Variants in DMXL1 observed in about 807,000 individuals in gnomAD.
The protein encoded by DMXL1 is Dmx like 1.
DMXL1 carries 99 observed loss-of-function variants against 319.2 expected under a neutral mutation model. The observed-to-expected ratio is 0.31, with a 90% CI of 0.26 to 0.37. The LOEUF is 0.37. Among genes scored for constraint, DMXL1 ranks in the 10% least tolerant of loss-of-function variants. DMXL1 has a pLI of 1.00. For synonymous variants in DMXL1, 1,385 were observed against 1,235.2 expected (o/e 1.12, Z -2.54); for missense variants, 3,745 against 3,595.6 (o/e 1.04, Z -1.06).
At chr5:119,113,585 T>C (rs1760155961) in intron 5 of DMXL1, among the ~76,000 whole-genome samples, 1 of 152,216 alleles carries the variant, frequency 6.6e-6, no homozygotes, top group African/African-American at 2.4e-5. Context: ...CTTCAGTTTC[T>C]AGCCCTACTT....
intron 19 of DMXL1, among the ~76,000 whole-genome samples, chr5:119,161,510 G>C (rs1772260912): frequency 6.6e-6 from 1 of 152,252 alleles, no homozygotes; most frequent in South Asian, 2.1e-4. Context: ...TGCCTGAACG[G>C]AACCTTGGTG....
chr5:119,132,674 C>CAAAAAA, intron 10 of DMXL1: 1 of 331,990 alleles, frequency 3.0e-6, no homozygotes, highest in Non-Finnish European at 5.7e-6. Flanking sequence ...GACTCCGTCT[C>CAAAAAA]AAAAAAAAAA....
chr5:119,137,087 T>C (rs1448671778), intron 13 of DMXL1, among the ~76,000 whole-genome samples: 1 of 152,216 alleles, frequency 6.6e-6, no homozygotes, highest in Non-Finnish European at 1.5e-5. Flanking sequence ...CACTGTACCC[T>C]GCAGAGCCAC....
At chr5:119,077,238 C>T (rs555250542) in intron 1 of DMXL1, among the ~76,000 whole-genome samples, 13 of 148,230 alleles carry the variant, frequency 8.8e-5, no homozygotes, top group African/African-American at 3.4e-4. Flanking sequence ...GTGAGCCTCC[C>T]TGTGATTACA....
At chr5:119,136,240 A>G (rs1404934814) in intron 13 of DMXL1, among the ~76,000 whole-genome samples, 1 of 152,244 alleles carries the variant, frequency 6.6e-6, no homozygotes, top group Non-Finnish European at 1.5e-5. Flanking sequence ...GTTATCTGGC[A>G]GAAGAAATTT....
At position 119,139,915 on chromosome 5, in the gene DMXL1, C is replaced by T. The variant is rs563582160; in HGVS notation, c.2377-3926C>T. 6.6e-5 allele frequency among the ~76,000 whole-genome samples: 10 copies of T among 152,216 alleles called. No homozygotes were observed. In the East Asian group the frequency reaches 9.6e-4, roughly 15 times the overall value. On this transcript the variant is annotated intron_variant, in intron 13 of 43. Coordinates refer to ENST00000539542, the MANE Select transcript of DMXL1 (RefSeq NM_001290321.3). ...AAATGCAGAAGAACCAAAATCATAC[C>T]AAACACACTGTTGGACCACAGTGCA...
chr5:119,103,933 G>A (rs1394525782), intron 3 of DMXL1, among the ~76,000 whole-genome samples: 2 of 152,074 alleles, frequency 1.3e-5, no homozygotes, highest in Non-Finnish European at 2.9e-5. Flanking sequence ...TCAAAAAGAG[G>A]CTGGTTTATT....
chr5:119,097,790 T>C (rs558537835), intron 1 of DMXL1, among the ~76,000 whole-genome samples, 189 bp from the exon 2 acceptor site: 1 of 152,244 alleles, frequency 6.6e-6, no homozygotes, highest in South Asian at 2.1e-4. Context: ...CAGAATTTGC[T>C]AATAGGCTGT....
At chr5:119,121,428 G>GCCTT (rs1394846722) in intron 9 of DMXL1, among the ~76,000 whole-genome samples, 3 of 152,104 alleles carry the variant, frequency 2.0e-5, no homozygotes, top group East Asian at 1.9e-4. Context: ...GGACCCTGCG[G>GCCTT]CCTTCCGCTG....
chr5:119,102,109 C>T (rs1757408483), intron 3 of DMXL1, 103 bp downstream of exon 3: 1 of 631,240 alleles, frequency 1.6e-6, no homozygotes, highest in Non-Finnish European at 2.7e-6. Flanking sequence ...TACTTATATA[C>T]TGTAATTGAA....
chr5:119,147,011 T>G (rs1351058028), intron 16 of DMXL1, 55 bp downstream of exon 16: 2 of 1,577,810 alleles, frequency 1.3e-6, no homozygotes, highest in Non-Finnish European at 1.7e-6. Context: ...GTTAACAAAT[T>G]ACACAAAATT....
chr5:119,207,932 T>G (rs1269526219), intron 34 of DMXL1, among the ~76,000 whole-genome samples: 2 of 152,222 alleles, frequency 1.3e-5, no homozygotes, highest in African/African-American at 2.4e-5. Context: ...AAAAAATTTT[T>G]AAGGTTACTA....
At chr5:119,146,621 A>G (rs1581006559) in intron 15 of DMXL1, among the ~76,000 whole-genome samples, 1 of 152,184 alleles carries the variant, frequency 6.6e-6, no homozygotes, top group African/African-American at 2.4e-5. Context: ...CAATTCAAAC[A>G]TGAAATAGCA....
chr5:119,147,524 G>A, intron 17 of DMXL1, 54 bp downstream of exon 17: 3 of 1,269,732 alleles, frequency 2.4e-6, no homozygotes, highest in East Asian at 2.4e-5. Context: ...GTATTTACCA[G>A]GTATTTAAAA....
chr5:119,144,423 T>C (rs1768082126), intron 14 of DMXL1, 113 bp from the exon 15 acceptor site: 1 of 776,376 alleles, frequency 1.3e-6, no homozygotes, highest in African/African-American at 1.8e-5. Flanking sequence ...GCTGAACTTT[T>C]GACTTCTTAT....
At chr5:119,159,225 G>GGGTTTCA (rs1246284285) in intron 19 of DMXL1, among the ~76,000 whole-genome samples, 1 of 151,906 alleles carries the variant, frequency 6.6e-6, no homozygotes, top group Non-Finnish European at 1.5e-5. Context: ...TTCTGCCCCC[G>GGGTTTCA]GGTTTCAGGT....
At position 119,177,379 on chromosome 5, in the gene DMXL1, A is replaced by C; in HGVS notation, c.6781A>C (p.Thr2261Pro). ...TAGTTCATTTCAGACGAATCAGTTT[A>C]CTGGAATGGTATATCAGACAGTACT... ...NYSSFQTNQF[T>P]GMVYQTVLLP... The change falls in exon 27 of 44, where the codon ACT becomes CCT. Residue 2261 changes from threonine to proline, a missense_variant. Around this residue, in one of 4 missense-constraint regions of DMXL1, gnomAD observed 1,382 missense variants for 1,269.5 expected, o/e 1.09. Transcript: ENST00000539542. 1 of 1,565,350 alleles carries C rather than the reference A, an allele frequency of 6.4e-7. No homozygotes were observed. Among genetic ancestry groups the C allele is most frequent in the Non-Finnish European group, 8.6e-7 (1 of 1,157,498 alleles).
chr5:119,173,828 T>C (rs9327090), intron 25 of DMXL1, among the ~76,000 whole-genome samples: 1 of 126,848 alleles, frequency 7.9e-6, no homozygotes, highest in African/African-American at 3.0e-5. Context: ...TAAGGAATTG[T>C]TTTATGTGGT....
chr5:119,106,141 C>T (rs1301090250), intron 4 of DMXL1, among the ~76,000 whole-genome samples: 1 of 152,126 alleles, frequency 6.6e-6, no homozygotes, highest in Non-Finnish European at 1.5e-5. Flanking sequence ...CTGGGCCTTG[C>T]TGCTTGCTAT....
Sources: gnomAD v4.1 joint callset for allele counts (sites outside exome capture counted in the v4.1 genomes callset) on GRCh38, gnomAD v4.1.1 for gene constraint, gnomAD v4.1.1 regional missense constraint, MANE v1.5 for transcripts, NCBI Gene and HGNC (gene_info 2026-07-23, HGNC 2026-07-21) for gene names.